The following AFG2B variants were observed in gnomAD, a reference collection of about 807,000 sequenced individuals.
AFG2B encodes ATPase family gene 2 protein homolog B.
the AFG2B span, chr15:45,417,339 T>G: frequency 6.2e-7 from 1 of 1,614,148 alleles, no homozygotes; most frequent in Non-Finnish European, 8.5e-7. Context: ...TGTTAGATAC[T>G]GCTTTGTTAC....
At chr15:45,404,855 CAT>C in the AFG2B span, among the ~76,000 whole-genome samples, 3 of 149,910 alleles carry the variant, frequency 2.0e-5, no homozygotes, top group Admixed American at 2.0e-4. Context: ...TATACACACA[CAT>C]ATATAAAATT....
chr15:45,414,915 A>C, the AFG2B span: 1 of 735,364 alleles, frequency 1.4e-6, no homozygotes, highest in South Asian at 2.0e-5. Flanking sequence ...AATTTAGAAA[A>C]TATAGGAAAG....
chr15:45,402,455 C>G, the AFG2B span: 2 of 1,606,090 alleles, frequency 1.2e-6, no homozygotes, highest in Non-Finnish European at 1.7e-6. Flanking sequence ...GATCCCTTCC[C>G]TGAAGGGCCG....
chr15:45,403,867 A>G, the AFG2B span, among the ~76,000 whole-genome samples: 1 of 152,230 alleles, frequency 6.6e-6, no homozygotes, highest in Non-Finnish European at 1.5e-5. Flanking sequence ...TTGGTCACCT[A>G]CAAGCGTGTT....
the AFG2B span, chr15:45,405,621 G>T: frequency 1.1e-6 from 1 of 951,252 alleles, no homozygotes; most frequent in Non-Finnish European, 1.6e-6. Context: ...AGCTTCCACA[G>T]CTGTTGCTTA....
At chr15:45,406,932 G>T in the AFG2B span, 42 of 1,020,440 alleles carry the variant, frequency 4.1e-5, no homozygotes, top group Non-Finnish European at 5.6e-5. Flanking sequence ...AAAGTTCTGT[G>T]TGTAAAGATG....
chr15:45,410,335 T>G, the AFG2B span: 1 of 1,594,676 alleles, frequency 6.3e-7, no homozygotes, highest in South Asian at 1.1e-5. Flanking sequence ...AACCTAATTT[T>G]TGGTTTGATT....
At chr15:45,410,937 C>T in the AFG2B span, among the ~76,000 whole-genome samples, 2 of 152,124 alleles carry the variant, frequency 1.3e-5, no homozygotes, top group Non-Finnish European at 2.9e-5. Flanking sequence ...CGCAGTGGCT[C>T]ATACCTATAA....
chr15:45,411,075 G>A, the AFG2B span, among the ~76,000 whole-genome samples: 2 of 151,982 alleles, frequency 1.3e-5, no homozygotes, highest in Non-Finnish European at 2.9e-5. Flanking sequence ...GCTGGCAGGT[G>A]CCCATAATCC....
the AFG2B span, chr15:45,410,468 A>G: frequency 6.2e-7 from 1 of 1,613,418 alleles, no homozygotes; most frequent in Non-Finnish European, 8.5e-7. Context: ...ATTAATGGAT[A>G]TCAAGCCTGT....
chr15:45,407,084 T>C, the AFG2B span: 1 of 1,289,066 alleles, frequency 7.8e-7, no homozygotes, highest in African/African-American at 1.5e-5. Context: ...GCTGCTGTCG[T>C]CCCAGGGTGG....
At chr15:45,412,460 T>C in the AFG2B span, among the ~76,000 whole-genome samples, 2 of 152,216 alleles carry the variant, frequency 1.3e-5, no homozygotes, top group East Asian at 1.9e-4. Context: ...GAGAGCCACA[T>C]AGTCAATGTT....
At chr15:45,417,432 C>A in the AFG2B span, 15 of 1,608,284 alleles carry the variant, frequency 9.3e-6, no homozygotes, top group Non-Finnish European at 1.3e-5. Context: ...TGTGTGAGCT[C>A]AGCAGAATTG....
the AFG2B span, chr15:45,415,732 T>C: frequency 2.5e-6 from 4 of 1,614,042 alleles, no homozygotes; most frequent in South Asian, 1.1e-5. Flanking sequence ...TTAGATGGTG[T>C]TGGACTTAAG....
chr15:45,402,415 GT>G, the AFG2B span: 3 of 1,592,068 alleles, frequency 1.9e-6, no homozygotes, highest in Non-Finnish European at 1.7e-6. Context: ...CGTCTGCCTG[GT>G]TCATCTGTGT....
chr15:45,418,710 G>A, the AFG2B span: 1 of 1,601,628 alleles, frequency 6.2e-7, no homozygotes, highest in Non-Finnish European at 8.5e-7. Context: ...GAAATTTGTG[G>A]TTCAAAACAT....
At chr15:45,407,191 G>A in the AFG2B span, 17 of 1,256,224 alleles carry the variant, frequency 1.4e-5, no homozygotes, top group Admixed American at 5.3e-5. Context: ...AGGAAGAAAG[G>A]CAAAAAGCAT....
At chr15:45,416,475 G>T in the AFG2B span, among the ~76,000 whole-genome samples, 1 of 151,752 alleles carries the variant, frequency 6.6e-6, no homozygotes, top group South Asian at 2.1e-4. Flanking sequence ...TTCCTCTCTC[G>T]TTCTCATTCT....
chr15:45,402,913 G>A, the AFG2B span: 5 of 1,598,034 alleles, frequency 3.1e-6, no homozygotes, highest in African/African-American at 2.7e-5. Flanking sequence ...CCTGGTGGCT[G>A]CCTTGCACAT....
Sources: gnomAD v4.1 joint callset for allele counts (sites outside exome capture counted in the v4.1 genomes callset) on GRCh38, gnomAD v4.1.1 for gene constraint, MANE v1.5 for transcripts, NCBI Gene and HGNC (gene_info 2026-07-23, HGNC 2026-07-21) for gene names.